The following PTPRD variants were observed in gnomAD, a reference collection of about 807,000 sequenced individuals.
PTPRD encodes protein tyrosine phosphatase receptor type D, also known as receptor-type tyrosine-protein phosphatase delta.
In PTPRD, 34 loss-of-function variants were observed where a neutral mutation model predicts 214.5. The observed-to-expected ratio is 0.16, with a 90% CI of 0.12 to 0.21. The LOEUF (loss-of-function observed/expected upper bound fraction) is 0.21, where lower values mean the gene tolerates loss of function less well. PTPRD is among the 10% of genes least tolerant of loss of function. PTPRD has a pLI of 1.00. For missense variants in PTPRD, 2,545 were observed against 2,398.7 expected, an observed-to-expected ratio of 1.06 and a Z score of -1.27; for synonymous variants, 1,128 against 845.7, an observed-to-expected ratio of 1.33 and a Z score of -5.79.
chr9:9,384,343 CTTTTTTTTTTTTTTTTTTT>C (rs869246078), intron 9 of PTPRD, among the ~76,000 whole-genome samples: 46 of 33,312 alleles, frequency 1.4e-3, no homozygotes, highest in Admixed American at 3.3e-3. Context: ...GAAGACTAGG[CTTTTTTTTTTTTTTTTTTT>C]TTTTTTTTTT....
At chr9:10,029,723 C>A in intron 4 of PTPRD, among the ~76,000 whole-genome samples, 1 of 152,148 alleles carries the variant, frequency 6.6e-6, no homozygotes, top group East Asian at 1.9e-4. Context: ...AAGGAACTTG[C>A]CTTGTCTCAG....
intron 2 of PTPRD, among the ~76,000 whole-genome samples, chr9:10,414,018 G>C (rs1023450890): frequency 6.6e-6 from 1 of 151,844 alleles, no homozygotes; most frequent in African/African-American, 2.4e-5. Flanking sequence ...GACAACCTAG[G>C]CAAAAACATT....
intron 4 of PTPRD, among the ~76,000 whole-genome samples, chr9:9,944,739 G>A (rs1216072383): frequency 6.6e-6 from 1 of 151,968 alleles, no homozygotes; most frequent in African/African-American, 2.4e-5. Context: ...AAAGACATGA[G>A]GAGAGTAGGT....
chr9:9,165,454 G>A (rs955358220), intron 10 of PTPRD, among the ~76,000 whole-genome samples: 5 of 152,136 alleles, frequency 3.3e-5, no homozygotes, highest in South Asian at 2.1e-4. Context: ...TAATTAGAGC[G>A]GCAAAGCCAT....
chr9:9,928,755 T>C (rs980310847), intron 5 of PTPRD, among the ~76,000 whole-genome samples: 12 of 109,624 alleles, frequency 1.1e-4, no homozygotes, highest in Non-Finnish European at 1.8e-4. Flanking sequence ...TCTCTCTCTC[T>C]ATACACACAC....
At chr9:10,151,059 C>CT (rs138485125) in intron 3 of PTPRD, among the ~76,000 whole-genome samples, 82,068 of 111,046 alleles carry the variant, frequency 0.74, 31,882 homozygotes, top group Non-Finnish European at 0.82. Context: ...TTTTTGTTAA[C>CT]TTTTTTTTTT....
intron 3 of PTPRD, among the ~76,000 whole-genome samples, chr9:10,240,782 G>A (rs2099644778): frequency 6.6e-6 from 1 of 151,686 alleles, no homozygotes; most frequent in Admixed American, 6.6e-5. Context: ...AAATCCTAGT[G>A]GCATTTAATT....
chr9:10,414,211 C>G (rs1028583076), intron 2 of PTPRD, among the ~76,000 whole-genome samples: 11 of 151,840 alleles, frequency 7.2e-5, no homozygotes, highest in African/African-American at 2.7e-4. Flanking sequence ...ACGTGTCTGA[C>G]AAAGGTCTAA....
chr9:9,587,839 G>A (rs914714043), intron 7 of PTPRD, among the ~76,000 whole-genome samples: 4 of 151,946 alleles, frequency 2.6e-5, no homozygotes, highest in Non-Finnish European at 5.9e-5. Context: ...AAATAGTAGG[G>A]ACTGGGATGG....
chr9:9,923,307 A>T (rs775877555), intron 5 of PTPRD, among the ~76,000 whole-genome samples: 4 of 151,818 alleles, frequency 2.6e-5, no homozygotes, highest in African/African-American at 4.8e-5. Context: ...AAAAATCAAG[A>T]AAATCTATCA....
At chr9:9,183,058 T>C (rs2099929169) in intron 10 of PTPRD, among the ~76,000 whole-genome samples, 2 of 152,076 alleles carry the variant, frequency 1.3e-5, no homozygotes, top group Admixed American at 1.3e-4. Context: ...TCATATATAA[T>C]TCAGAACTGA....
intron 2 of PTPRD, among the ~76,000 whole-genome samples, chr9:10,426,790 G>C (rs569244834): frequency 6.6e-6 from 1 of 152,024 alleles, no homozygotes; most frequent in African/African-American, 2.4e-5. Context: ...ATATTGGCCT[G>C]AATAATACTG....
rs67735335 is a variant in PTPRD at position 9,613,135 on chromosome 9, C to CATATATATATAT, written c.-286-38366_-286-38355dup. Among the ~76,000 whole-genome samples the CATATATATATAT allele has an allele frequency of 5.9e-3, 283 of 47,652 alleles. 15 individuals carry two copies. The highest frequency in any genetic ancestry group is 0.021 in the African/African-American group (238 of 11,392). The allele number at this position is 47,652 out of a possible 152,430, so 31.3% of individuals were successfully genotyped here. ...AGCTAGGCTGCAGTATACATACATA[C>CATATATATATAT]ATATATATATATATATATATATATA... On this transcript the variant is annotated intron_variant, in intron 7 of 45. Transcript: ENST00000381196.
intron 9 of PTPRD, among the ~76,000 whole-genome samples, chr9:9,225,362 A>G (rs1422564895): frequency 1.3e-5 from 2 of 152,052 alleles, no homozygotes; most frequent in African/African-American, 4.8e-5. Flanking sequence ...AAGCCTTAAC[A>G]TCTTTATCGA....
chr9:8,577,765 G>A (rs1175907229), intron 14 of PTPRD, among the ~76,000 whole-genome samples: 9 of 152,154 alleles, frequency 5.9e-5, no homozygotes, highest in Non-Finnish European at 1.3e-4. Flanking sequence ...AGCAGCCTCT[G>A]CATCACCTGG....
chr9:10,151,139 T>C (rs9776076), intron 3 of PTPRD, among the ~76,000 whole-genome samples: 49,944 of 144,252 alleles, frequency 0.35, 8,634 homozygotes, highest in South Asian at 0.43. Flanking sequence ...CGGCTCACTG[T>C]AACATTTGCC....
chr9:9,655,639 C>A (rs1230704732), intron 7 of PTPRD, among the ~76,000 whole-genome samples: 1 of 151,560 alleles, frequency 6.6e-6, no homozygotes, highest in Non-Finnish European at 1.5e-5. Context: ...CCAAACCAAA[C>A]CGGAAAAACA....
intron 4 of PTPRD, among the ~76,000 whole-genome samples, chr9:9,991,764 A>G (rs2154079886): frequency 6.6e-6 from 1 of 152,204 alleles, no homozygotes; most frequent in East Asian, 1.9e-4. Context: ...AGATGAATAG[A>G]ACTTCCACAA....
At chr9:8,775,359 C>G (rs1486273592) in intron 11 of PTPRD, among the ~76,000 whole-genome samples, 28 of 151,994 alleles carry the variant, frequency 1.8e-4, no homozygotes, top group Admixed American at 1.8e-3. Flanking sequence ...AGACTGGGGA[C>G]ACTGCTATAG....
Sources: gnomAD v4.1 joint callset for allele counts (sites outside exome capture counted in the v4.1 genomes callset) on GRCh38, gnomAD v4.1.1 for gene constraint, MANE v1.5 for transcripts, NCBI Gene and HGNC (gene_info 2026-07-23, HGNC 2026-07-21) for gene names.